Variants in ULK4 observed in about 807,000 individuals in gnomAD.
ULK4 encodes inactive serine/threonine-protein kinase ULK4.
Under a neutral mutation model 160.6 loss-of-function variants are expected in ULK4, and 133 were observed. The observed-to-expected ratio is 0.83, with a 90% confidence interval of 0.72 to 0.96. The LOEUF is 0.96. Among genes scored for constraint, ULK4 ranks in the 40% least tolerant of loss-of-function variants. ULK4 has a pLI of 0.00. For missense variants in ULK4, 1,580 were observed against 1,499.5 expected (o/e 1.05, Z -0.89); for synonymous variants, 534 against 539.8 (o/e 0.99, Z 0.15).
At chr3:41,420,106 T>G (rs371651222) in intron 34 of ULK4, among the ~76,000 whole-genome samples, 2 of 151,852 alleles carry the variant, frequency 1.3e-5, no homozygotes, top group African/African-American at 4.8e-5. Flanking sequence ...AGACAGGAGA[T>G]AAATGTAAGG....
intron 34 of ULK4, among the ~76,000 whole-genome samples, chr3:41,412,187 T>A (rs373339890): frequency 1.3e-5 from 2 of 152,206 alleles, no homozygotes; most frequent in South Asian, 4.1e-4. Flanking sequence ...AATACCAATA[T>A]AATAGCATAA....
chr3:41,248,980 G>A (rs1272509860), intron 36 of ULK4, among the ~76,000 whole-genome samples: 1 of 152,232 alleles, frequency 6.6e-6, no homozygotes, highest in Admixed American at 6.5e-5. Flanking sequence ...ACGCAGTTCT[G>A]TGTGGTCCCT....
At chr3:41,249,414 A>G in intron 36 of ULK4, 75 bp downstream of exon 36, 1 of 1,340,470 alleles carries the variant, frequency 7.5e-7, no homozygotes, top group Non-Finnish European at 1.0e-6. Flanking sequence ...GATGAGTGGG[A>G]GGAGTGGAGA....
At chr3:41,346,352 T>C (rs1030843212) in intron 35 of ULK4, among the ~76,000 whole-genome samples, 2 of 152,212 alleles carry the variant, frequency 1.3e-5, no homozygotes, top group Admixed American at 6.5e-5. Flanking sequence ...TTTTTGGAAG[T>C]TCCTATTGTC....
At chr3:41,341,792 T>C (rs1195511999) in intron 35 of ULK4, among the ~76,000 whole-genome samples, 1 of 152,190 alleles carries the variant, frequency 6.6e-6, no homozygotes, top group Non-Finnish European at 1.5e-5. Context: ...CAGCTTACTT[T>C]CCTATGAAGG....
chr3:41,772,930 C>A (rs1278753669), intron 21 of ULK4, among the ~76,000 whole-genome samples: 3 of 152,108 alleles, frequency 2.0e-5, no homozygotes, highest in African/African-American at 7.2e-5. Context: ...ACAACTCAAT[C>A]AACATAATCC....
At chr3:41,684,279 T>C (rs188436902) in intron 27 of ULK4, among the ~76,000 whole-genome samples, 8 of 152,356 alleles carry the variant, frequency 5.3e-5, no homozygotes, top group Admixed American at 5.2e-4. Flanking sequence ...CCTGCTTCTC[T>C]GTGCACACCA....
At chr3:41,260,450 T>A (rs868169539) in intron 35 of ULK4, among the ~76,000 whole-genome samples, 1 of 152,218 alleles carries the variant, frequency 6.6e-6, no homozygotes, top group Non-Finnish European at 1.5e-5. Flanking sequence ...GCTGAGTAAA[T>A]CTGAGACTGA....
At chr3:41,801,968 C>A (rs184350090) in intron 19 of ULK4, among the ~76,000 whole-genome samples, 2 of 148,946 alleles carry the variant, frequency 1.3e-5, no homozygotes, top group Non-Finnish European at 3.0e-5. Flanking sequence ...TCATCAGAAA[C>A]AATACATACA....
intron 35 of ULK4, among the ~76,000 whole-genome samples, chr3:41,378,302 C>T (rs1033509455): frequency 1.3e-5 from 2 of 150,318 alleles, no homozygotes; most frequent in African/African-American, 4.9e-5. Context: ...TGCAGCACAC[C>T]AGCATGGCAC....
chr3:41,961,318 C>A (rs1700657939), intron 1 of ULK4, among the ~76,000 whole-genome samples: 1 of 152,144 alleles, frequency 6.6e-6, no homozygotes, highest in Non-Finnish European at 1.5e-5. Context: ...AAAAAGTTAT[C>A]GGCCCTGCCC....
chr3:41,824,239 C>T (rs1014319698), intron 18 of ULK4, among the ~76,000 whole-genome samples: 5 of 151,034 alleles, frequency 3.3e-5, no homozygotes, highest in East Asian at 1.9e-4. Context: ...CCAGCATGAG[C>T]GATGCAGACG....
intron 35 of ULK4, among the ~76,000 whole-genome samples, chr3:41,307,854 T>C (rs2079978690): frequency 6.7e-6 from 1 of 148,822 alleles, no homozygotes; most frequent in Non-Finnish European, 1.5e-5. Context: ...ACACATATAA[T>C]ATATAGCTAA....
chr3:41,706,872 T>TGTGTGTGTGTGTGTGTGG (rs2036914179), intron 25 of ULK4, among the ~76,000 whole-genome samples: 1 of 128,024 alleles, frequency 7.8e-6, no homozygotes, highest in African/African-American at 4.2e-5. Context: ...TGTGTGTGTG[T>TGTGTGTGTGTGTGTGTGG]GTGTGTGTGT....
intron 32 of ULK4, among the ~76,000 whole-genome samples, chr3:41,492,324 T>C (rs1210425887): frequency 2.0e-5 from 3 of 152,148 alleles, no homozygotes; most frequent in African/African-American, 7.2e-5. Flanking sequence ...TCCACAATGG[T>C]TGAACTAGTT....
Position 41,309,178 on chromosome 3 carries a change from C to T in ULK4, c.3679-59604G>A, listed in dbSNP as rs74774280. Reference sequence around the variant, plus strand: ...ATCAGCTAATACCTCTTAAATATTGCTGCAGGAAGCAATATTTTGCTACAG... The same window carrying T: ...ATCAGCTAATACCTCTTAAATATTGTTGCAGGAAGCAATATTTTGCTACAG... On this transcript the variant is annotated intron_variant, in intron 35 of 36. Coordinates refer to ENST00000301831, the MANE Select transcript of ULK4 (RefSeq NM_017886.4). Among the ~76,000 whole-genome samples, 1,141 of 151,842 alleles carry T rather than the reference C, an allele frequency of 7.5e-3. 9 individuals are homozygous for T. The highest frequency in any genetic ancestry group is 0.012 in the Non-Finnish European group (833 of 67,960).
At chr3:41,556,512 G>C (rs2087307990) in intron 32 of ULK4, among the ~76,000 whole-genome samples, 1 of 81,686 alleles carries the variant, frequency 1.2e-5, no homozygotes, top group South Asian at 3.8e-4. Flanking sequence ...TTTTTTGACA[G>C]AGTCTCGCTC....
chr3:41,873,526 C>A (rs570439472), intron 17 of ULK4, among the ~76,000 whole-genome samples: 1 of 152,084 alleles, frequency 6.6e-6, no homozygotes, highest in Non-Finnish European at 1.5e-5. Context: ...TTTTACCCTA[C>A]ATTTTTAGGT....
At chr3:41,545,601 T>A (rs139606157) in intron 32 of ULK4, among the ~76,000 whole-genome samples, 159 of 152,302 alleles carry the variant, frequency 1.0e-3, no homozygotes, top group African/African-American at 3.7e-3. Flanking sequence ...TGTGCTTAGG[T>A]GAATTTTGCT....
Sources: gnomAD v4.1 joint callset for allele counts (sites outside exome capture counted in the v4.1 genomes callset) on GRCh38, gnomAD v4.1.1 for gene constraint, MANE v1.5 for transcripts, NCBI Gene and HGNC (gene_info 2026-07-23, HGNC 2026-07-21) for gene names.